HMGCLL1: variants seen among roughly 807,000 people sequenced by gnomAD.
The protein encoded by HMGCLL1 is 3-hydroxy-3-methylglutaryl-CoA lyase like 1, also known as 3-hydroxymethyl-3-methylglutaryl-CoA lyase, cytoplasmic.
A neutral mutation model predicts 39.1 loss-of-function variants in HMGCLL1; 36 were observed. That is an observed-to-expected ratio of 0.92 (90% CI 0.71 to 1.22). The LOEUF is 1.22. HMGCLL1 is among the 50% of genes most tolerant of loss of function. The pLI, the probability that HMGCLL1 is intolerant of heterozygous loss-of-function variation, is 0.00. For synonymous variants in HMGCLL1, 149 were observed against 144.0 expected (o/e 1.03, Z -0.25); for missense variants, 451 against 416.5 (o/e 1.08, Z -0.72).
chr6:55,621,042 G>T, the HMGCLL1 span, among the ~76,000 whole-genome samples: 1 of 152,040 alleles, frequency 6.6e-6, no homozygotes, highest in African/African-American at 2.4e-5. Flanking sequence ...AGTATAATTT[G>T]AACTCAGGTA....
chr6:55,458,101 G>T (rs555148162), intron 7 of HMGCLL1, among the ~76,000 whole-genome samples: 1 of 152,118 alleles, frequency 6.6e-6, no homozygotes, highest in Non-Finnish European at 1.5e-5. Context: ...TCCATTGAAA[G>T]TGTAATACCA....
At chr6:55,571,190 C>G (rs191078976) in intron 1 of HMGCLL1, among the ~76,000 whole-genome samples, 1 of 152,250 alleles carries the variant, frequency 6.6e-6, no homozygotes, top group East Asian at 1.9e-4. Context: ...ATGATTAAAT[C>G]TTTAACCTCA....
At chr6:55,649,634 G>A in the HMGCLL1 span, among the ~76,000 whole-genome samples, 1 of 151,866 alleles carries the variant, frequency 6.6e-6, no homozygotes. Context: ...TCAAGGCCTG[G>A]AAAGTTGTCT....
intron 1 of HMGCLL1, 79 bp downstream of exon 1, chr6:55,578,869 C>T (rs1213430335): frequency 2.0e-6 from 2 of 1,012,682 alleles, no homozygotes; most frequent in African/African-American, 1.6e-5. Flanking sequence ...GGGAGGAGGG[C>T]ACCAAGAGGT....
chr6:55,522,135 G>A (rs1409787067), intron 3 of HMGCLL1, among the ~76,000 whole-genome samples: 2 of 151,656 alleles, frequency 1.3e-5, no homozygotes, highest in African/African-American at 2.4e-5. Flanking sequence ...GCTGAGATTG[G>A]TATATTATTG....
intron 1 of HMGCLL1, among the ~76,000 whole-genome samples, chr6:55,547,198 T>C (rs2127462230): frequency 6.6e-6 from 1 of 152,196 alleles, no homozygotes; most frequent in Middle Eastern, 3.4e-3. Context: ...TAATGAATCA[T>C]TCTTTTATAC....
chr6:55,469,380 T>C (rs7769293), intron 7 of HMGCLL1, among the ~76,000 whole-genome samples: 31,713 of 143,320 alleles, frequency 0.22, 4,484 homozygotes, highest in African/African-American at 0.41. Context: ...CACATACATA[T>C]ATACACATAT....
chr6:55,487,463 C>T (rs1014948589), intron 7 of HMGCLL1, among the ~76,000 whole-genome samples: 1 of 151,870 alleles, frequency 6.6e-6, no homozygotes, highest in Non-Finnish European at 1.5e-5. Flanking sequence ...TACCCCTTGA[C>T]AGGCCCCGGT....
At position 55,549,056 on chromosome 6, in the gene HMGCLL1, A is replaced by T. The variant is rs1581934962; in HGVS notation, c.109-6916T>A. On this transcript the variant is annotated intron_variant, in intron 1 of 8. Transcript: ENST00000274901. Reference sequence around the variant, plus strand: ...ATTTACATTATTTATTTTAATAAATAAAATTATTTATTCTTGTATTCATGG... The same window carrying T: ...ATTTACATTATTTATTTTAATAAATTAAATTATTTATTCTTGTATTCATGG... Among the ~76,000 whole-genome samples, 3 of 151,744 alleles carry T rather than the reference A, an allele frequency of 2.0e-5. No homozygotes were observed. The South Asian group carries it at 6.2e-4, about 31-fold the overall frequency.
chr6:55,646,364 A>G, the HMGCLL1 span, among the ~76,000 whole-genome samples: 922 of 151,034 alleles, frequency 6.1e-3, 12 homozygotes, highest in African/African-American at 0.021. Context: ...AATCTTTTAT[A>G]TTGTTTTCTT....
chr6:55,541,690 T>C (rs1454569191), intron 3 of HMGCLL1, 39 bp downstream of exon 3: 1 of 1,022,426 alleles, frequency 9.8e-7, no homozygotes, highest in Non-Finnish European at 1.5e-6. Flanking sequence ...TTGGTGAAGT[T>C]GAATTAGGAT....
chr6:55,655,363 G>A, the HMGCLL1 span, among the ~76,000 whole-genome samples: 1 of 148,872 alleles, frequency 6.7e-6, no homozygotes, highest in Non-Finnish European at 1.5e-5. Context: ...CAATTATACA[G>A]AACTCCTTAT....
At chr6:55,517,352 T>TCACACAGAG (rs1305919468) in intron 3 of HMGCLL1, among the ~76,000 whole-genome samples, 2 of 152,048 alleles carry the variant, frequency 1.3e-5, no homozygotes, top group African/African-American at 4.8e-5. Context: ...CCCATAATCA[T>TCACACAGAG]CACACAGAGA....
chr6:55,451,862 T>C (rs1764101021), intron 7 of HMGCLL1, among the ~76,000 whole-genome samples: 2 of 152,180 alleles, frequency 1.3e-5, no homozygotes, highest in South Asian at 4.1e-4. Context: ...TGATGGCTTG[T>C]GAGAATGTAC....
the HMGCLL1 span, among the ~76,000 whole-genome samples, chr6:55,673,888 G>A: frequency 6.6e-6 from 1 of 151,880 alleles, no homozygotes; most frequent in Non-Finnish European, 1.5e-5. Flanking sequence ...TTTATAGATT[G>A]AGAGACTTAG....
chr6:55,500,105 G>T (rs1340617742), intron 5 of HMGCLL1, among the ~76,000 whole-genome samples: 1 of 152,086 alleles, frequency 6.6e-6, no homozygotes, highest in Non-Finnish European at 1.5e-5. Flanking sequence ...ATTTAGGAAT[G>T]AATGAAGCAA....
the HMGCLL1 span, among the ~76,000 whole-genome samples, chr6:55,667,558 T>C: frequency 6.6e-6 from 1 of 151,880 alleles, no homozygotes; most frequent in African/African-American, 2.4e-5. Context: ...CTGTGTTCTG[T>C]ACTCTACACA....
chr6:55,643,748 T>G, the HMGCLL1 span, among the ~76,000 whole-genome samples: 3 of 152,174 alleles, frequency 2.0e-5, no homozygotes, highest in East Asian at 5.8e-4. Context: ...CTTAAAATAA[T>G]GACCTCCAGT....
chr6:55,510,202 T>A (rs1052081175), intron 5 of HMGCLL1, among the ~76,000 whole-genome samples: 1 of 152,004 alleles, frequency 6.6e-6, no homozygotes, highest in African/African-American at 2.4e-5. Context: ...AGAAGGTTAA[T>A]CACGAATCAA....
Sources: allele counts gnomAD v4.1 joint callset (sites outside exome capture counted in the v4.1 genomes callset), GRCh38; gene constraint gnomAD v4.1.1; transcripts MANE v1.5; gene names NCBI Gene and HGNC (gene_info 2026-07-23, HGNC 2026-07-21).